Variants in REPS2 observed in about 807,000 individuals in gnomAD.
REPS2 encodes the protein RALBP1 associated Eps domain containing 2.
REPS2 carries 23 observed loss-of-function variants against 53.6 expected under a neutral mutation model. The observed-to-expected ratio is 0.43, with a 90% confidence interval of 0.31 to 0.61. The LOEUF (loss-of-function observed/expected upper bound fraction) is 0.61. Ranked by LOEUF, REPS2 falls within the 20% of genes least tolerant of loss-of-function variation. The probability of loss-of-function intolerance (pLI) is 0.11; values close to 1 mark genes in which losing one functional copy is unlikely to be tolerated. For missense variants in REPS2, 446 were observed against 534.9 expected, an observed-to-expected ratio of 0.83 and a Z score of 1.64; for synonymous variants, 238 against 218.6, an observed-to-expected ratio of 1.09 and a Z score of -0.78.
downstream of REPS2, among the ~76,000 whole-genome samples, chrX:17,157,978 T>C (rs1288540625): frequency 8.9e-6 from 1 of 111,898 alleles, no homozygotes; most frequent in African/African-American, 3.3e-5. Context: ...CTGCATACCC[T>C]GTGTATAAAG....
At chrX:17,190,227 T>C in the REPS2 span, among the ~76,000 whole-genome samples, 1 of 112,223 alleles carries the variant, frequency 8.9e-6, no homozygotes, top group Non-Finnish European at 1.9e-5. Context: ...GACGTTATTA[T>C]GTGGAAAATC....
chrX:17,093,202 T>TATATATCTATATATATATATATATAA, intron 13 of REPS2, among the ~76,000 whole-genome samples: 1 of 13,160 alleles, frequency 7.6e-5, no homozygotes, highest in Middle Eastern at 0.04. Flanking sequence ...ATATATATAA[T>TATATATCTATATATATATATATATAA]TTTTTTTTTG....
chrX:17,193,189 A>T, the REPS2 span, among the ~76,000 whole-genome samples: 1 of 112,316 alleles, frequency 8.9e-6, no homozygotes, highest in Non-Finnish European at 1.9e-5. Context: ...TTCTAAAGCA[A>T]TTGTATCATT....
intron 1 of REPS2, among the ~76,000 whole-genome samples, chrX:16,993,059 A>T (rs1045361744): frequency 1.8e-5 from 2 of 112,180 alleles, no homozygotes; most frequent in African/African-American, 6.5e-5. Flanking sequence ...GTCCTGCAGG[A>T]TAAGAGATCC....
chrX:16,951,535 ACACACACACACACACACACACACAC>A (rs2060507175), intron 1 of REPS2, among the ~76,000 whole-genome samples: 1 of 53,071 alleles, frequency 1.9e-5, no homozygotes, highest in Non-Finnish European at 4.0e-5. Flanking sequence ...ACACACACAC[ACACACACACACACACACACACACAC>A]CCCCGCTACC....
At chrX:17,006,587 T>C (rs1295966074) in intron 2 of REPS2, among the ~76,000 whole-genome samples, 1 of 111,870 alleles carries the variant, frequency 8.9e-6, no homozygotes, top group Non-Finnish European at 1.9e-5. Flanking sequence ...TAGATTTTAT[T>C]CTTTAGCAGG....
intron 1 of REPS2, among the ~76,000 whole-genome samples, chrX:16,996,694 G>A (rs2061239044): frequency 8.9e-6 from 1 of 112,104 alleles, no homozygotes; most frequent in Admixed American, 9.4e-5. Context: ...TTAGATTTGG[G>A]CTTGAGAGAG....
chrX:16,986,057 A>G (rs1281094451), intron 1 of REPS2, among the ~76,000 whole-genome samples: 3 of 112,338 alleles, frequency 2.7e-5, no homozygotes, highest in African/African-American at 9.7e-5. Context: ...TGAGGATAAA[A>G]ATTAATTTTG....
At chrX:16,967,114 T>A (rs1485854233) in intron 1 of REPS2, among the ~76,000 whole-genome samples, 1 of 112,457 alleles carries the variant, frequency 8.9e-6, no homozygotes, top group Non-Finnish European at 1.9e-5. Context: ...GAATGGTTTC[T>A]GCATTTTTAA....
intron 6 of REPS2, among the ~76,000 whole-genome samples, chrX:17,051,326 T>A (rs1483101576): frequency 2.7e-5 from 3 of 111,534 alleles, no homozygotes; most frequent in Non-Finnish European, 5.7e-5. Context: ...AACATAGGAG[T>A]GCACATATTT....
chrX:17,180,619 C>G, the REPS2 span, among the ~76,000 whole-genome samples: 1 of 99,148 alleles, frequency 1.0e-5, no homozygotes, highest in Non-Finnish European at 2.0e-5. Flanking sequence ...CTCTCTCTCT[C>G]TCTCTCACAC....
the REPS2 span, among the ~76,000 whole-genome samples, chrX:17,193,538 G>A: frequency 1.8e-5 from 2 of 111,145 alleles, no homozygotes; most frequent in Admixed American, 9.6e-5. Flanking sequence ...AAGGCTGTTC[G>A]CTCAGAGGGC....
the REPS2 span, among the ~76,000 whole-genome samples, chrX:17,193,972 G>GA: frequency 9.0e-6 from 1 of 111,546 alleles, no homozygotes; most frequent in Non-Finnish European, 1.9e-5. Flanking sequence ...GAAAACTGGG[G>GA]ATGCATCGAC....
At chrX:16,985,321 G>C (rs1285856031) in intron 1 of REPS2, among the ~76,000 whole-genome samples, 1 of 111,998 alleles carries the variant, frequency 8.9e-6, no homozygotes, top group Non-Finnish European at 1.9e-5. Flanking sequence ...TGCACTTCAG[G>C]AATCAACCCA....
chrX:17,179,528 C>T, the REPS2 span, among the ~76,000 whole-genome samples: 5 of 111,828 alleles, frequency 4.5e-5, no homozygotes, highest in African/African-American at 1.6e-4. Context: ...GTAGATCTTC[C>T]ACAGCCCAGT....
intron 1 of REPS2, among the ~76,000 whole-genome samples, chrX:16,968,745 G>C (rs1403186375): frequency 1.4e-4 from 14 of 99,754 alleles, no homozygotes; most frequent in Admixed American, 1.2e-3. Flanking sequence ...CGGGCAGAGG[G>C]GCTCCTCACT....
At chrX:17,100,322 T>A in intron 13 of REPS2, 1 of 530,876 alleles carries the variant, frequency 1.9e-6, no homozygotes, top group African/African-American at 2.3e-5. Flanking sequence ...CTCCATAGCG[T>A]GTGTGTAAAG....
the REPS2 span, among the ~76,000 whole-genome samples, chrX:17,183,260 G>A: frequency 8.9e-6 from 1 of 112,073 alleles, no homozygotes; most frequent in Non-Finnish European, 1.9e-5. Context: ...ATCCGCTTTA[G>A]TAAGTATGAG....
chrX:16,968,746 G>A (rs868264511), intron 1 of REPS2, among the ~76,000 whole-genome samples: 14 of 100,797 alleles, frequency 1.4e-4, no homozygotes, highest in South Asian at 9.3e-4. Flanking sequence ...GGGCAGAGGG[G>A]CTCCTCACTT....
Sources: gnomAD v4.1 joint callset for allele counts (sites outside exome capture counted in the v4.1 genomes callset) on GRCh38, gnomAD v4.1.1 for gene constraint, MANE v1.5 for transcripts, NCBI Gene and HGNC (gene_info 2026-07-23, HGNC 2026-07-21) for gene names.